The following SACS variants were observed in gnomAD, a reference collection of about 807,000 sequenced individuals.
SACS encodes the protein sacsin.
In SACS, 197 loss-of-function variants were observed where a neutral mutation model predicts 348.0. The observed-to-expected ratio is 0.57, with a 90% CI of 0.50 to 0.64. The LOEUF is 0.64. SACS is among the 30% of genes least tolerant of loss of function. The pLI is 0.00. For missense variants in SACS, 4,999 were observed against 5,360.8 expected (o/e 0.93, Z 2.11); for synonymous variants, 1,985 against 1,910.6 (o/e 1.04, Z -1.02).
chr13:23,377,483 G>A (rs1390646438), intron 2 of SACS, among the ~76,000 whole-genome samples: 2 of 152,112 alleles, frequency 1.3e-5, no homozygotes, highest in African/African-American at 2.4e-5. Flanking sequence ...GGTCAGAACA[G>A]ACATCTTTGC....
At chr13:23,370,529 T>C (rs912899729) in intron 4 of SACS, among the ~76,000 whole-genome samples, 5 of 152,220 alleles carry the variant, frequency 3.3e-5, no homozygotes, top group Non-Finnish European at 5.9e-5. Flanking sequence ...GTATTGTTAT[T>C]CATGGGCCCT....
rs760795727 is a variant in SACS at position 23,337,520 on chromosome 13, C to T, written c.6356G>A (p.Arg2119Gln). The T allele has an allele frequency of 1.9e-6, 3 of 1,613,906 alleles. No individual in the cohort carries two copies. Among genetic ancestry groups the T allele is most frequent in the Non-Finnish European group, 2.5e-6 (3 of 1,179,896 alleles). The stretch of plus-strand genomic sequence containing the variant: ...TTTAATATCAAATAACTTTGCAACT[C>T]GTCCTTCGGGGTGGATCAATCTTGA... ...LPSRLIHPEGRVAKLFDIKDG... is the reference protein window; with the variant it reads ...LPSRLIHPEGQVAKLFDIKDG... Residue 2119 changes from arginine (R) to glutamine (Q), a missense_variant, in exon 10 of 10, where the codon CGA becomes CAA. Transcript: ENST00000382292.
chr13:23,428,776 T>A (rs1172736396), intron 1 of SACS: 1 of 152,248 alleles, frequency 6.6e-6, no homozygotes, highest in Non-Finnish European at 1.5e-5. Context: ...TCATCTACTT[T>A]GCTGAAAGTT....
intron 7 of SACS, 76 bp from the exon 8 acceptor site, chr13:23,356,083 TGAAAAAGCA>T: frequency 8.1e-7 from 1 of 1,231,154 alleles, no homozygotes; most frequent in Non-Finnish European, 1.2e-6. Context: ...AATAAATATA[TGAAAAAGCA>T]TGAGCCATTA....
chr13:23,382,177 G>A (rs555567932), intron 2 of SACS, among the ~76,000 whole-genome samples: 4 of 152,214 alleles, frequency 2.6e-5, no homozygotes, highest in Non-Finnish European at 5.9e-5. Context: ...TTTTTGAGAC[G>A]GAGTCTCGCT....
chr13:23,383,522 C>T (rs1346604898), intron 2 of SACS, among the ~76,000 whole-genome samples: 1 of 152,194 alleles, frequency 6.6e-6, no homozygotes, highest in Non-Finnish European at 1.5e-5. Context: ...TGAACAGCCC[C>T]AGAGCTCTGC....
chr13:23,368,057 T>G (rs1171173672), intron 5 of SACS, among the ~76,000 whole-genome samples: 1 of 152,096 alleles, frequency 6.6e-6, no homozygotes, highest in East Asian at 1.9e-4. Flanking sequence ...TGTATTTGGC[T>G]GGCCGGTTGG....
chr13:23,375,637 A>G (rs138492982), intron 2 of SACS: 144,326 of 888,938 alleles, frequency 0.16, 12,646 homozygotes, highest in Admixed American at 0.18. Context: ...TTAGCTGGGG[A>G]TCCGCCCCGC....
chr13:23,335,159 C>A lies in SACS; in HGVS notation c.8717G>T (p.Arg2906Leu). ...CATTAAACTGTTATTCCAGTCACTT[C>A]GAACACCAACTCCATTATCATCACG... ...LWRDDNGVGV[R>L]SDWNNSLMTA... Residue 2906 changes from arginine (R) to leucine (L), a missense_variant, in exon 10 of 10, where the codon CGA becomes CTA. This residue lies in a region of SACS where 21 missense variants were observed against 51.8 expected (regional missense o/e 0.41). Coordinates refer to ENST00000382292, the MANE Select transcript of SACS (RefSeq NM_014363.6). The surrounding 1 kb of genome is among the most constrained non-coding windows in gnomAD (Gnocchi z 4.7). 8 of 1,613,910 alleles carry A rather than the reference C, an allele frequency of 5.0e-6. No homozygotes were observed. The highest frequency in any genetic ancestry group is 6.8e-6 in the Non-Finnish European group (8 of 1,179,880).
chr13:23,383,338 G>A lies in SACS; in HGVS notation c.21-8069C>T, dbSNP rs529636500. ...CAGGCCACCACTCAGGGCCCCAGCT[G>A]TTCTCACTGCCCCACATCCTTTCTC... On this transcript the variant is annotated intron_variant, in intron 2 of 9. Coordinates refer to ENST00000382292, the MANE Select transcript of SACS (RefSeq NM_014363.6). Among the ~76,000 whole-genome samples, 4 of 152,182 alleles carry A rather than the reference G, an allele frequency of 2.6e-5. No individual in the cohort carries two copies. The South Asian group carries it at 8.3e-4, about 32-fold the overall frequency.
intron 1 of SACS, among the ~76,000 whole-genome samples, chr13:23,422,675 T>C (rs77233716): frequency 6.7e-6 from 1 of 150,056 alleles, no homozygotes; most frequent in Non-Finnish European, 1.5e-5. Context: ...TTTTTTTTTT[T>C]TGAGACGGAG....
chr13:23,363,766 T>C (rs576396096), intron 6 of SACS, among the ~76,000 whole-genome samples: 1 of 152,262 alleles, frequency 6.6e-6, no homozygotes, highest in East Asian at 1.9e-4. Context: ...ATCCTCAAAC[T>C]ATGTGGGAGA....
In SACS at chr13:23,335,487, T is replaced by C. The variant is rs1295977234; in HGVS notation, c.8389A>G (p.Ile2797Val). 6.2e-7 allele frequency: 1 copy of C among 1,613,658 alleles called. No individual in the cohort carries two copies. The highest frequency in any genetic ancestry group is 8.5e-7 in the Non-Finnish European group (1 of 1,179,914). The part of the protein sequence containing the change: ...SVTKKRQLKD[I>V]PVQQITYTMD... ...GTATAGGTTATTTGTTGAACTGGTA[T>C]GTCTTTGAGCTGCCTCTTTTTAGTA... The change falls in exon 10 of 10, where the codon ATA (isoleucine) becomes GTA (valine). Residue 2797 changes from isoleucine to valine, a missense_variant. Around this residue, in one of 6 missense-constraint regions of SACS, gnomAD observed 3,156 missense variants for 3,380.1 expected, o/e 0.93. Coordinates refer to ENST00000382292, the MANE Select transcript of SACS (RefSeq NM_014363.6). The surrounding 1 kb of genome is among the most constrained non-coding windows in gnomAD (Gnocchi z 4.7).
chr13:23,332,422 T>C lies in SACS; in HGVS notation c.11454A>G (p.Glu3818=). 6.2e-7 allele frequency: 1 copy of C among 1,613,994 alleles called. No homozygotes were observed. Among genetic ancestry groups the C allele is most frequent in the Non-Finnish European group, 8.5e-7 (1 of 1,179,936 alleles). The change falls in exon 10 of 10, where the codon GAA becomes GAG. Residue 3818 remains glutamate (E), a synonymous_variant. Coordinates refer to ENST00000382292, the MANE Select transcript of SACS (RefSeq NM_014363.6). ...PEEVVINLEY[E]SDFKPYLYKL... ...TGTACAAATAAGGTTTAAAATCAGA[T>C]TCATATTCTAGGTTTATGACTACCT...
chr13:23,397,229 G>A (rs1164929442), intron 2 of SACS, among the ~76,000 whole-genome samples: 1 of 152,152 alleles, frequency 6.6e-6, no homozygotes, highest in Non-Finnish European at 1.5e-5. Context: ...AGGGTGAGGT[G>A]AAACAACTTT....
chr13:23,413,635 C>G (rs1873587758), intron 1 of SACS, among the ~76,000 whole-genome samples: 1 of 152,168 alleles, frequency 6.6e-6, no homozygotes, highest in African/African-American at 2.4e-5. Context: ...CTTGGATGTT[C>G]ATGAAAACCC....
At chr13:23,399,256 G>C (rs1283621593) in intron 2 of SACS, among the ~76,000 whole-genome samples, 3 of 152,074 alleles carry the variant, frequency 2.0e-5, no homozygotes, top group African/African-American at 4.8e-5. Context: ...CCTTTTCAAA[G>C]GTTTAATTTC....
chr13:23,329,918 A>G lies in SACS; in HGVS notation c.*218T>C, dbSNP rs907847986. ...CCCAATCATTCAAATCCATCCAGCT[A>G]TTTTGCAGCTCACCACCATCTTCAA... On this transcript the variant is annotated 3_prime_UTR_variant, in exon 10 of 10. Transcript: ENST00000382292. 2.6e-5 allele frequency: 15 copies of G among 572,268 alleles called. No homozygotes were observed. Among genetic ancestry groups the G allele is most frequent in the Non-Finnish European group, 3.7e-5 (12 of 322,340 alleles). The allele number at this position is 572,268 out of a possible 1,614,324, so 35.4% of individuals were successfully genotyped here. A position where few individuals can be genotyped will look rare whatever the true frequency, so the allele number is the denominator to read the frequency against.
intron 6 of SACS, among the ~76,000 whole-genome samples, chr13:23,362,316 T>G (rs1229083830): frequency 6.6e-6 from 1 of 152,180 alleles, no homozygotes; most frequent in African/African-American, 2.4e-5. Context: ...GTGAGAGCTC[T>G]CATTCTTGTG....
Sources: allele counts gnomAD v4.1 joint callset (sites outside exome capture counted in the v4.1 genomes callset), GRCh38; gene constraint gnomAD v4.1.1; regional missense constraint gnomAD v4.1.1; non-coding constraint Gnocchi (gnomAD v3.1); transcripts MANE v1.5; gene names NCBI Gene and HGNC (gene_info 2026-07-23, HGNC 2026-07-21).